The following ATXN7 variants were observed in gnomAD, a reference collection of about 807,000 sequenced individuals.
ATXN7 encodes the protein ataxin-7.
In ATXN7, 12 loss-of-function variants were observed where a neutral mutation model predicts 70.5. The observed-to-expected ratio is 0.17, with a 90% CI of 0.11 to 0.28. ATXN7 has a LOEUF of 0.28. Among genes scored for constraint, ATXN7 ranks in the 10% least tolerant of loss-of-function variants. ATXN7 has a pLI of 1.00. For synonymous variants in ATXN7, 498 were observed against 448.7 expected (o/e 1.11, Z -1.39); for missense variants, 1,256 against 1,131.7 (o/e 1.11, Z -1.58).
At chr3:63,942,071 C>T (rs1426781197) in intron 4 of ATXN7, among the ~76,000 whole-genome samples, 7 of 152,126 alleles carry the variant, frequency 4.6e-5, no homozygotes, top group Non-Finnish European at 8.8e-5. Context: ...CTATGAGCAG[C>T]GGTGAGAGCA....
At chr3:63,974,087 G>T (rs1351616470) in intron 5 of ATXN7, among the ~76,000 whole-genome samples, 1 of 152,028 alleles carries the variant, frequency 6.6e-6, no homozygotes, top group African/African-American at 2.4e-5. Flanking sequence ...TTTCGTCGGA[G>T]ACCCTCCCCT....
intron 5 of ATXN7, among the ~76,000 whole-genome samples, chr3:63,957,402 A>T (rs1045719767): frequency 6.6e-6 from 1 of 152,160 alleles, no homozygotes; most frequent in East Asian, 1.9e-4. Flanking sequence ...ACTTTTTCCC[A>T]ACCTTAATCA....
At chr3:63,900,005 G>C (rs1355954790) in intron 2 of ATXN7, among the ~76,000 whole-genome samples, 1 of 152,136 alleles carries the variant, frequency 6.6e-6, no homozygotes, top group Non-Finnish European at 1.5e-5. Flanking sequence ...GATGGTTTGA[G>C]CTCAAGAGCT....
intron 8 of ATXN7, among the ~76,000 whole-genome samples, chr3:63,987,646 C>T (rs2075599223): frequency 6.6e-6 from 1 of 152,124 alleles, no homozygotes; most frequent in African/African-American, 2.4e-5. Context: ...TGTTTCTTCC[C>T]TTTACATTAA....
At chr3:63,863,611 GAGGC>G, upstream of ATXN7, 1 of 1,195,928 alleles carries the variant, frequency 8.4e-7, no homozygotes. Context: ...AGCAGCCGGG[GAGGC>G]CCGGGGCTCC....
Position 64,000,709 on chromosome 3 carries a change from G to A in ATXN7, c.*1242G>A, listed in dbSNP as rs867688097. On this transcript the variant is annotated 3_prime_UTR_variant, in exon 13 of 13. Coordinates refer to ENST00000674280, the MANE Select transcript of ATXN7 (RefSeq NM_001377405.1). ...GAAGGTCTTTTGTGATGCATGTATA[G>A]GATTGCCCTGACACACACCCTCCTT... is the stretch of plus-strand genomic sequence containing the variant. The A allele has an allele frequency of 6.6e-6, 1 of 152,126 alleles. No homozygotes were observed. Among genetic ancestry groups the A allele is most frequent in the African/African-American group, 2.4e-5 (1 of 41,412 alleles). 9.4% of individuals were successfully genotyped at this position (152,126 alleles called of 1,614,324 possible).
intron 2 of ATXN7, among the ~76,000 whole-genome samples, chr3:63,909,479 A>G (rs1703942249): frequency 6.6e-6 from 1 of 152,244 alleles, no homozygotes; most frequent in South Asian, 2.1e-4. Flanking sequence ...AAAGGGGATT[A>G]TCTAGGTAAG....
intron 11 of ATXN7, among the ~76,000 whole-genome samples, chr3:63,994,706 A>G (rs895332465): frequency 5.3e-5 from 8 of 152,318 alleles, no homozygotes; most frequent in East Asian, 1.9e-4. Context: ...GATCAAGGCA[A>G]TCCTGGCACT....
rs542020058 is a variant in ATXN7, at chr3:63,945,847, G to A, written c.395-6532G>A. Among the ~76,000 whole-genome samples the A allele has an allele frequency of 2.0e-5, 3 of 152,304 alleles. No individual in the cohort carries two copies. In the South Asian group the frequency reaches 6.2e-4, roughly 32 times the overall value. ...CGAATGAAGTAGAGCAACAAGCCAG[G>A]TACAGGTCTGGGGGAACTGAGTTCC... On this transcript the variant is annotated intron_variant, in intron 4 of 12. Transcript: ENST00000674280.
chr3:63,904,773 T>C (rs1703777250), intron 2 of ATXN7: 1 of 152,244 alleles, frequency 6.6e-6, no homozygotes, highest in East Asian at 1.9e-4. Flanking sequence ...CTGGATCATA[T>C]GCTAATTCTG....
chr3:63,970,682 G>T (rs1172048229), intron 5 of ATXN7, among the ~76,000 whole-genome samples: 1 of 152,138 alleles, frequency 6.6e-6, no homozygotes, highest in Non-Finnish European at 1.5e-5. Context: ...ATTATTTGAG[G>T]TTGCCATATT....
intron 1 of ATXN7, among the ~76,000 whole-genome samples, chr3:63,867,896 T>C (rs1702482734): frequency 6.6e-6 from 1 of 151,896 alleles, no homozygotes; most frequent in African/African-American, 2.4e-5. Flanking sequence ...AATAAATAAA[T>C]AACAAACAAA....
intron 4 of ATXN7, among the ~76,000 whole-genome samples, chr3:63,928,451 C>G (rs542239497): frequency 1.3e-5 from 2 of 152,006 alleles, no homozygotes; most frequent in South Asian, 4.1e-4. Flanking sequence ...TAATTGATAA[C>G]TTAAAAAATT....
intron 12 of ATXN7, 51 bp downstream of exon 12, chr3:63,996,534 A>C: frequency 1.3e-6 from 2 of 1,566,632 alleles, no homozygotes. Context: ...TTCTCCCTTA[A>C]GATCTTTTGT....
intron 5 of ATXN7, among the ~76,000 whole-genome samples, chr3:63,958,835 T>G (rs1404241866): frequency 6.6e-6 from 1 of 152,218 alleles, no homozygotes; most frequent in Non-Finnish European, 1.5e-5. Flanking sequence ...AAATTAAATT[T>G]CATTCACACA....
intron 4 of ATXN7, among the ~76,000 whole-genome samples, chr3:63,929,709 G>A (rs1318257392): frequency 6.6e-6 from 1 of 152,194 alleles, no homozygotes; most frequent in African/African-American, 2.4e-5. Flanking sequence ...GGGTGGTAAT[G>A]CTACCCAGAA....
At position 63,986,892 on chromosome 3, in the gene ATXN7, A is replaced by C. The variant is rs571312654; in HGVS notation, c.1096-1167A>C. On this transcript the variant is annotated intron_variant, in intron 8 of 12. Transcript: ENST00000674280. ...GTATTATGTGTAGGGGCATGCACAC[A>C]CACATTTACAATATTTTGTAATATA... Among the ~76,000 whole-genome samples the C allele has an allele frequency of 1.1e-4, 16 of 152,324 alleles. 1 individual carries two copies. The highest frequency in any genetic ancestry group is 3.6e-4 in the African/African-American group (15 of 41,564).
intron 5 of ATXN7, among the ~76,000 whole-genome samples, chr3:63,967,239 A>T (rs1224180715): frequency 2.6e-5 from 4 of 152,184 alleles, no homozygotes; most frequent in Non-Finnish European, 5.9e-5. Flanking sequence ...AAAAGTATGA[A>T]AGCTTTAGTC....
At position 63,900,353 on chromosome 3, in the gene ATXN7, C is replaced by T. The variant is rs1575865651; in HGVS notation, c.-12+1856C>T. Among the ~76,000 whole-genome samples, 2 of 152,244 alleles carry T rather than the reference C, an allele frequency of 1.3e-5. 1 individual carries two copies. On this transcript the variant is annotated intron_variant, in intron 2 of 12. Transcript: ENST00000674280. ...TAAAAGATAATATTTTTACCATTAC[C>T]AATCTGAAACAACTTCACAAAAAGT...
Sources: allele counts gnomAD v4.1 joint callset (sites outside exome capture counted in the v4.1 genomes callset), GRCh38; gene constraint gnomAD v4.1.1; transcripts MANE v1.5; gene names NCBI Gene and HGNC (gene_info 2026-07-23, HGNC 2026-07-21).